Variants in TFPI observed in about 807,000 individuals in gnomAD.
TFPI encodes tissue factor pathway inhibitor.
In TFPI, 15 loss-of-function variants were observed where a neutral mutation model predicts 34.6. The observed-to-expected ratio is 0.43, with a 90% CI of 0.29 to 0.67. The LOEUF is 0.67. Ranked by LOEUF, TFPI falls within the 30% of genes least tolerant of loss-of-function variation. The pLI is 0.15. For synonymous variants in TFPI, 105 were observed against 120.1 expected (o/e 0.87, Z 0.82); for missense variants, 301 against 364.0 (o/e 0.83, Z 1.41).
At chr2:187,542,208 G>A (rs937965386) in intron 1 of TFPI, among the ~76,000 whole-genome samples, 4 of 152,016 alleles carry the variant, frequency 2.6e-5, no homozygotes, top group African/African-American at 9.7e-5. Flanking sequence ...TAGCAGATGC[G>A]AACCCAGGCA....
At chr2:187,475,921 G>T (rs933850771) in intron 6 of TFPI, among the ~76,000 whole-genome samples, 4 of 152,134 alleles carry the variant, frequency 2.6e-5, no homozygotes, top group African/African-American at 7.2e-5. Context: ...CATGCTAAAT[G>T]TACCATAGTC....
At chr2:187,494,757 T>G (rs1297141396) in intron 3 of TFPI, among the ~76,000 whole-genome samples, 1 of 152,182 alleles carries the variant, frequency 6.6e-6, no homozygotes, top group Non-Finnish European at 1.5e-5. Flanking sequence ...GGAGTCTTCC[T>G]CTGTTGCACA....
intron 1 of TFPI, among the ~76,000 whole-genome samples, chr2:187,526,024 A>G (rs1687659245): frequency 6.6e-6 from 1 of 152,140 alleles, no homozygotes; most frequent in Non-Finnish European, 1.5e-5. Flanking sequence ...TAGTATTATG[A>G]GGATTAAATA....
At chr2:187,467,613 G>T in intron 7 of TFPI, 140 bp downstream of exon 7, 1 of 686,982 alleles carries the variant, frequency 1.5e-6, no homozygotes, top group Non-Finnish European at 2.1e-6. Flanking sequence ...TTATCTAAAT[G>T]TAATTGAAGA....
chr2:187,504,601 C>T lies in TFPI; in HGVS notation c.-2-831G>A, dbSNP rs551957550. Among the ~76,000 whole-genome samples the T allele has an allele frequency of 3.3e-5, 5 of 151,468 alleles. No homozygotes were observed. In the East Asian group the frequency reaches 9.7e-4, roughly 29 times the overall value. ...AAAAAGAAAAGAAAGAAGTAAGTCA[C>T]CTTTATTTTTTTAAAGACGACTTCT... On this transcript the variant is annotated intron_variant, in intron 1 of 7. Coordinates refer to ENST00000233156, the MANE Select transcript of TFPI (RefSeq NM_006287.6).
intron 1 of TFPI, among the ~76,000 whole-genome samples, chr2:187,506,845 G>A (rs1686251822): frequency 6.6e-6 from 1 of 151,932 alleles, no homozygotes; most frequent in Non-Finnish European, 1.5e-5. Flanking sequence ...ACCTGACTGG[G>A]GTAATGATTG....
At chr2:187,485,827 A>G (rs1212602812) in intron 4 of TFPI, among the ~76,000 whole-genome samples, 1 of 151,738 alleles carries the variant, frequency 6.6e-6, no homozygotes, top group African/African-American at 2.4e-5. Context: ...TTGAATTTTT[A>G]GAACAAAATT....
intron 1 of TFPI, chr2:187,544,528 G>T (rs1161897336): frequency 6.6e-6 from 1 of 151,886 alleles, no homozygotes; most frequent in Middle Eastern, 3.4e-3. Context: ...CAGATTTGTT[G>T]ACTAAATGTT....
intron 6 of TFPI, among the ~76,000 whole-genome samples, chr2:187,477,378 G>C (rs1187672473): frequency 6.6e-6 from 1 of 152,200 alleles, no homozygotes; most frequent in African/African-American, 2.4e-5. Context: ...GGATGTTCCT[G>C]TGCTTCTTGG....
chr2:187,509,385 C>T (rs541354368), intron 1 of TFPI, among the ~76,000 whole-genome samples: 1 of 152,162 alleles, frequency 6.6e-6, no homozygotes, highest in East Asian at 1.9e-4. Context: ...ACCATCTCCT[C>T]TTCATATCTC....
chr2:187,521,249 A>G (rs1687355649), intron 1 of TFPI, among the ~76,000 whole-genome samples: 1 of 152,144 alleles, frequency 6.6e-6, no homozygotes, highest in Non-Finnish European at 1.5e-5. Context: ...TATACCATCC[A>G]TGTTGTCACA....
intron 2 of TFPI, among the ~76,000 whole-genome samples, chr2:187,499,317 A>T (rs1409165670): frequency 1.3e-5 from 2 of 152,078 alleles, no homozygotes; most frequent in Non-Finnish European, 2.9e-5. Context: ...TAACAAATAT[A>T]ATTGAGGATT....
chr2:187,522,153 A>G (rs1210701443), intron 1 of TFPI, among the ~76,000 whole-genome samples: 1 of 151,946 alleles, frequency 6.6e-6, no homozygotes, highest in African/African-American at 2.4e-5. Context: ...ATGTTCTCTC[A>G]TTTCAGTTTG....
At chr2:187,497,195 G>A in intron 2 of TFPI, 117 bp from the exon 3 acceptor site, 1 of 938,112 alleles carries the variant, frequency 1.1e-6, no homozygotes, top group Non-Finnish European at 1.5e-6. Flanking sequence ...AACATACTAA[G>A]AAACTATAAA....
chr2:187,533,416 G>T (rs1048770565), intron 1 of TFPI, among the ~76,000 whole-genome samples: 1 of 152,150 alleles, frequency 6.6e-6, no homozygotes, highest in African/African-American at 2.4e-5. Flanking sequence ...TGATACCCAG[G>T]CAAACAGGGT....
At chr2:187,492,748 C>T (rs2106060017) in intron 3 of TFPI, among the ~76,000 whole-genome samples, 1 of 152,180 alleles carries the variant, frequency 6.6e-6, no homozygotes, top group Non-Finnish European at 1.5e-5. Context: ...CCATTTGGAA[C>T]AGCTGTATTT....
chr2:187,467,462 G>A (rs1691778848), intron 7 of TFPI, among the ~76,000 whole-genome samples: 2 of 151,992 alleles, frequency 1.3e-5, no homozygotes, highest in Admixed American at 1.3e-4. Flanking sequence ...TTACAAGAAA[G>A]CTTAAAACAA....
At chr2:187,541,096 ATACT>A (rs1688561665) in intron 1 of TFPI, among the ~76,000 whole-genome samples, 2 of 152,068 alleles carry the variant, frequency 1.3e-5, no homozygotes, top group African/African-American at 4.8e-5. Flanking sequence ...AACATCACAA[ATACT>A]TACCACACAC....
intron 1 of TFPI, among the ~76,000 whole-genome samples, chr2:187,522,940 A>T (rs541602345): frequency 6.6e-6 from 1 of 151,530 alleles, no homozygotes; most frequent in South Asian, 2.1e-4. Context: ...ATAATAAAAA[A>T]CAGAGACACA....
Sources: allele counts gnomAD v4.1 joint callset (sites outside exome capture counted in the v4.1 genomes callset), GRCh38; gene constraint gnomAD v4.1.1; transcripts MANE v1.5; gene names NCBI Gene and HGNC (gene_info 2026-07-23, HGNC 2026-07-21).